Variants in PLXNA4 observed in about 807,000 individuals in gnomAD.
The protein encoded by PLXNA4 is plexin A4.
PLXNA4 carries 44 observed loss-of-function variants against 191.8 expected under a neutral mutation model. The observed-to-expected ratio is 0.23, with a 90% CI of 0.18 to 0.29. The LOEUF is 0.29. PLXNA4 is among the 10% of genes least tolerant of loss of function. The pLI is 1.00. For synonymous variants in PLXNA4, 1,082 were observed against 1,009.5 expected (o/e 1.07, Z -1.36); for missense variants, 1,800 against 2,488.8 (o/e 0.72, Z 5.89).
chr7:132,402,131 G>A (rs1193614165), intron 3 of PLXNA4, among the ~76,000 whole-genome samples: 1 of 152,154 alleles, frequency 6.6e-6, no homozygotes, highest in East Asian at 1.9e-4. Flanking sequence ...ACTTGACTCA[G>A]CAGGTCCCTA....
chr7:132,418,863 G>C (rs1446316015), intron 3 of PLXNA4, among the ~76,000 whole-genome samples: 1 of 152,156 alleles, frequency 6.6e-6, no homozygotes, highest in African/African-American at 2.4e-5. Flanking sequence ...CTTCCTCCAG[G>C]CCTGGATTCA....
chr7:132,142,598 G>A (rs2671093), intron 29 of PLXNA4, among the ~76,000 whole-genome samples: 11,998 of 152,212 alleles, frequency 0.079, 1,575 homozygotes, highest in African/African-American at 0.27. Flanking sequence ...TGTGCAGGGC[G>A]GGACTCAGGC....
chr7:132,556,030 A>G (rs972578589), intron 1 of PLXNA4, among the ~76,000 whole-genome samples: 2 of 152,208 alleles, frequency 1.3e-5, no homozygotes, highest in Non-Finnish European at 2.9e-5. Context: ...TAGGGGTCCT[A>G]CTAGGGTCTA....
intron 3 of PLXNA4, among the ~76,000 whole-genome samples, chr7:132,305,940 G>A (rs543517675): frequency 6.6e-6 from 1 of 152,266 alleles, no homozygotes; most frequent in East Asian, 1.9e-4. Flanking sequence ...AAGAATGCAA[G>A]GGTGGGCTCT....
chr7:132,502,793 G>A (rs541919375), intron 2 of PLXNA4, among the ~76,000 whole-genome samples: 1 of 152,160 alleles, frequency 6.6e-6, no homozygotes, highest in South Asian at 2.1e-4. Flanking sequence ...GTATTGTTGG[G>A]AGAAGAAAAG....
chr7:132,426,398 T>C (rs1795047194), intron 3 of PLXNA4, among the ~76,000 whole-genome samples: 1 of 152,228 alleles, frequency 6.6e-6, no homozygotes, highest in African/African-American at 2.4e-5. Context: ...CACCTCTGTC[T>C]GAGGCACACA....
chr7:132,157,671 T>C (rs1795836643), intron 25 of PLXNA4, among the ~76,000 whole-genome samples: 1 of 152,154 alleles, frequency 6.6e-6, no homozygotes, highest in African/African-American at 2.4e-5. Context: ...TGGACTCTCC[T>C]CCCACCTGAA....
At chr7:132,232,274 C>A (rs1446399754) in intron 5 of PLXNA4, among the ~76,000 whole-genome samples, 3 of 152,134 alleles carry the variant, frequency 2.0e-5, no homozygotes, top group Admixed American at 1.3e-4. Context: ...ACTGTACAGG[C>A]CCCTTGACAT....
At chr7:132,196,889 G>A (rs539266884) in intron 13 of PLXNA4, among the ~76,000 whole-genome samples, 15 of 152,122 alleles carry the variant, frequency 9.9e-5, no homozygotes, top group African/African-American at 3.4e-4. Context: ...TAAATTGTAC[G>A]TTCATGCTCT....
intron 20 of PLXNA4, among the ~76,000 whole-genome samples, chr7:132,177,175 G>A (rs1051005863): frequency 2.0e-5 from 3 of 152,170 alleles, no homozygotes; most frequent in Non-Finnish European, 4.4e-5. Context: ...GCACGAGTGA[G>A]TGTATGTGAG....
At chr7:132,288,219 G>T (rs559675182) in intron 4 of PLXNA4, among the ~76,000 whole-genome samples, 4 of 152,176 alleles carry the variant, frequency 2.6e-5, no homozygotes, top group South Asian at 2.1e-4. Flanking sequence ...CAGTAGGAGC[G>T]TGTTGCGCCA....
intron 25 of PLXNA4, among the ~76,000 whole-genome samples, chr7:132,155,608 G>T (rs1214253573): frequency 6.6e-6 from 1 of 152,064 alleles, no homozygotes; most frequent in Non-Finnish European, 1.5e-5. Flanking sequence ...CCTGGTTGTG[G>T]GGACAGCCTC....
At chr7:132,469,213 T>C (rs1231762382) in intron 3 of PLXNA4, among the ~76,000 whole-genome samples, 1 of 151,758 alleles carries the variant, frequency 6.6e-6, no homozygotes, top group Non-Finnish European at 1.5e-5. Context: ...TGTCACGATG[T>C]AATACAAGGG....
intron 2 of PLXNA4, among the ~76,000 whole-genome samples, chr7:132,591,355 G>A (rs533371732): frequency 3.9e-4 from 60 of 152,260 alleles, no homozygotes; most frequent in Admixed American, 3.2e-3. Flanking sequence ...TCCATACGAC[G>A]GAAGTGACAA....
At chr7:132,305,214 T>C (rs943928594) in intron 3 of PLXNA4, among the ~76,000 whole-genome samples, 1 of 152,086 alleles carries the variant, frequency 6.6e-6, no homozygotes, top group Non-Finnish European at 1.5e-5. Flanking sequence ...TGACTAACAA[T>C]TGCATAGATG....
intron 3 of PLXNA4, among the ~76,000 whole-genome samples, chr7:132,473,998 T>C (rs73442720): frequency 0.041 from 6,234 of 151,812 alleles, 208 homozygotes; most frequent in African/African-American, 0.083. Context: ...TGACAGCATC[T>C]CTTCAAGTGA....
chr7:132,470,486 A>G (rs1014648617), intron 3 of PLXNA4, among the ~76,000 whole-genome samples: 3 of 152,210 alleles, frequency 2.0e-5, no homozygotes, highest in Admixed American at 1.3e-4. Context: ...AGGAATCTCC[A>G]CTTGTATAGG....
intron 24 of PLXNA4, 63 bp from the exon 25 acceptor site, chr7:132,159,695 C>T: frequency 1.9e-6 from 3 of 1,593,470 alleles, no homozygotes; most frequent in South Asian, 1.2e-5. Flanking sequence ...TCCTAGATCC[C>T]CAGCAGCACC....
chr7:132,137,681 G>A (rs925453533), intron 30 of PLXNA4, among the ~76,000 whole-genome samples: 2 of 149,294 alleles, frequency 1.3e-5, no homozygotes, highest in Non-Finnish European at 3.0e-5. Flanking sequence ...GTACTTGGAG[G>A]CAGGAATGGG....
Sources: gnomAD v4.1 joint callset for allele counts (sites outside exome capture counted in the v4.1 genomes callset) on GRCh38, gnomAD v4.1.1 for gene constraint, MANE v1.5 for transcripts, NCBI Gene and HGNC (gene_info 2026-07-23, HGNC 2026-07-21) for gene names.